PCDH15: variants seen among roughly 807,000 people sequenced by gnomAD.
PCDH15 encodes protocadherin related 15, also known as protocadherin-15.
In PCDH15, 129 loss-of-function variants were observed where a neutral mutation model predicts 178.5. That is an observed-to-expected ratio of 0.72 (90% CI 0.63 to 0.84). PCDH15 has a LOEUF of 0.84. Ranked by LOEUF, PCDH15 falls within the 40% of genes least tolerant of loss-of-function variation. The pLI is 0.00. For missense variants in PCDH15, 2,230 were observed against 2,099.9 expected (o/e 1.06, Z -1.21); for synonymous variants, 800 against 732.0 (o/e 1.09, Z -1.50).
rs150391647 is a variant in PCDH15, at chr10:53,813,731, G to C, written c.4492-2112C>G. ...TACCACATCGCACAACAACATAAAT[G>C]AATCTCCCAAACAGAATGTTGAGCA... On this transcript the variant is annotated intron_variant, in intron 35 of 37. Coordinates refer to ENST00000644397, the MANE Select transcript of PCDH15 (RefSeq NM_001384140.1). Among the ~76,000 whole-genome samples the C allele has an allele frequency of 5.3e-3, 813 of 152,186 alleles. 9 individuals are homozygous for C. The highest frequency in any genetic ancestry group is 0.018 in the African/African-American group (765 of 41,518).
chr10:54,156,832 A>G (rs2045203684), intron 13 of PCDH15, among the ~76,000 whole-genome samples: 1 of 152,248 alleles, frequency 6.6e-6, no homozygotes. Context: ...GGGTAAATAC[A>G]GCCTTTCCAA....
chr10:55,081,188 CCTT>C (rs1163010745), intron 2 of PCDH15, among the ~76,000 whole-genome samples: 2 of 152,174 alleles, frequency 1.3e-5, no homozygotes, highest in Admixed American at 6.5e-5. Context: ...TCTTCCATCT[CCTT>C]CTCTGCCTCA....
intron 2 of PCDH15, among the ~76,000 whole-genome samples, chr10:55,558,339 C>T (rs962075186): frequency 6.6e-6 from 1 of 152,056 alleles, no homozygotes; most frequent in Non-Finnish European, 1.5e-5. Context: ...AATAATTTGT[C>T]TGGATTGGAA....
chr10:54,232,948 A>G (rs1411100834), intron 9 of PCDH15, among the ~76,000 whole-genome samples: 1 of 128,570 alleles, frequency 7.8e-6, no homozygotes, highest in Admixed American at 7.5e-5. Flanking sequence ...TTTTTTTTAA[A>G]GAGAGTCACC....
At chr10:55,069,564 G>T (rs1444687120) in intron 2 of PCDH15, among the ~76,000 whole-genome samples, 1 of 142,790 alleles carries the variant, frequency 7.0e-6, no homozygotes, top group Non-Finnish European at 1.5e-5. Flanking sequence ...TACTGAGAAT[G>T]ATGATTTCCA....
chr10:55,178,667 C>G (rs765379516), intron 1 of PCDH15, among the ~76,000 whole-genome samples: 2 of 152,058 alleles, frequency 1.3e-5, no homozygotes, highest in Non-Finnish European at 2.9e-5. Flanking sequence ...TCTCTGTTGA[C>G]CCAGAGAGCA....
chr10:55,444,420 T>G (rs1839269758), intron 2 of PCDH15, among the ~76,000 whole-genome samples: 1 of 152,250 alleles, frequency 6.6e-6, no homozygotes, highest in East Asian at 1.9e-4. Flanking sequence ...TCCTAAAAAT[T>G]ACTAATAATT....
chr10:54,819,751 T>C (rs1953006432), intron 3 of PCDH15, among the ~76,000 whole-genome samples: 1 of 152,040 alleles, frequency 6.6e-6, no homozygotes, highest in South Asian at 2.1e-4. Context: ...CTTCTTTTTG[T>C]TTTATGTCTT....
At chr10:54,174,790 C>T (rs2133686545) in intron 13 of PCDH15, among the ~76,000 whole-genome samples, 1 of 145,894 alleles carries the variant, frequency 6.9e-6, no homozygotes, top group Non-Finnish European at 1.5e-5. Flanking sequence ...ACTGCAACCT[C>T]CAAGAGATTC....
chr10:53,821,350 C>CT, intron 32 of PCDH15: 1 of 992,672 alleles, frequency 1.0e-6, no homozygotes, highest in Non-Finnish European at 1.2e-6. Context: ...CTCCTACAAT[C>CT]TAGGTACATT....
intron 2 of PCDH15, among the ~76,000 whole-genome samples, chr10:54,988,390 G>C (rs1274323189): frequency 6.6e-6 from 1 of 152,150 alleles, no homozygotes. Context: ...GCAGGGATTG[G>C]AACAGTTCGG....
chr10:54,623,830 C>T (rs1293766349), intron 2 of PCDH15, among the ~76,000 whole-genome samples: 2 of 152,022 alleles, frequency 1.3e-5, no homozygotes, highest in Admixed American at 6.6e-5. Context: ...TAGTTATGTA[C>T]TAATAACTAT....
chr10:54,064,177 C>T (rs993784353), intron 18 of PCDH15, among the ~76,000 whole-genome samples: 11 of 152,158 alleles, frequency 7.2e-5, no homozygotes, highest in Non-Finnish European at 1.3e-4. Context: ...AAGTGTCCAG[C>T]TCTCAGCAGA....
intron 2 of PCDH15, among the ~76,000 whole-genome samples, chr10:54,900,580 C>T (rs2131824931): frequency 6.6e-6 from 1 of 152,286 alleles, no homozygotes; most frequent in South Asian, 2.1e-4. Flanking sequence ...CAGATTTATT[C>T]AGGAATGCCT....
intron 13 of PCDH15, among the ~76,000 whole-genome samples, chr10:54,183,198 C>T (rs528396829): frequency 1.7e-4 from 26 of 152,220 alleles, no homozygotes; most frequent in African/African-American, 6.3e-4. Flanking sequence ...CTCGAACTCC[C>T]GACCTCAGGT....
chr10:54,109,537 A>G (rs2094976288), intron 15 of PCDH15, among the ~76,000 whole-genome samples: 1 of 152,236 alleles, frequency 6.6e-6, no homozygotes. Flanking sequence ...ATTGATCTGG[A>G]CATCATCAAA....
chr10:54,683,137 A>C (rs1383736328), intron 1 of PCDH15, among the ~76,000 whole-genome samples: 1 of 152,226 alleles, frequency 6.6e-6, no homozygotes, highest in East Asian at 1.9e-4. Context: ...AGATTTTTTA[A>C]ATATTTTTAA....
At chr10:54,090,151 C>T (rs1374119706) in intron 15 of PCDH15, 88 bp from the exon 16 acceptor site, 1 of 991,178 alleles carries the variant, frequency 1.0e-6, no homozygotes, top group Non-Finnish European at 1.6e-6. Flanking sequence ...AAACTAATAG[C>T]ACAGAATGTC....
intron 15 of PCDH15, among the ~76,000 whole-genome samples, chr10:54,118,885 C>T (rs4319419): frequency 0.3 from 44,852 of 151,184 alleles, 6,771 homozygotes; most frequent in Middle Eastern, 0.4. Context: ...AGAAGAAAAA[C>T]GGGAATCCAA....
Sources: allele counts gnomAD v4.1 joint callset (sites outside exome capture counted in the v4.1 genomes callset), GRCh38; gene constraint gnomAD v4.1.1; transcripts MANE v1.5; gene names NCBI Gene and HGNC (gene_info 2026-07-23, HGNC 2026-07-21).